The following VWA3A variants were observed in gnomAD, a reference collection of about 807,000 sequenced individuals.
The protein encoded by VWA3A is von Willebrand factor A domain-containing protein 3A.
A neutral mutation model predicts 160.4 loss-of-function variants in VWA3A; 134 were observed. The observed-to-expected ratio is 0.84, with a 90% confidence interval of 0.73 to 0.96. VWA3A has a LOEUF of 0.96. VWA3A is among the 40% of genes least tolerant of loss of function. VWA3A has a pLI of 0.00. For missense variants in VWA3A, 1,310 were observed against 1,447.9 expected (o/e 0.90, Z 1.55); for synonymous variants, 476 against 543.4 (o/e 0.88, Z 1.72).
At chr16:22,141,822 G>GC in intron 24 of VWA3A, 130 bp downstream of exon 24, 1 of 696,854 alleles carries the variant, frequency 1.4e-6, no homozygotes, top group East Asian at 2.8e-5. Flanking sequence ...TCTGGAGCAA[G>GC]CCGTACTCAA....
At chr16:22,115,605 G>A in intron 9 of VWA3A, 133 bp downstream of exon 9, 1 of 1,039,028 alleles carries the variant, frequency 9.6e-7, no homozygotes, top group Non-Finnish European at 1.3e-6. Flanking sequence ...GCCGAGACAG[G>A]AGGATTGCTC....
At chr16:22,103,439 G>T in intron 5 of VWA3A, 36 bp from the exon 6 acceptor site, 1 of 1,547,612 alleles carries the variant, frequency 6.5e-7, no homozygotes, top group Non-Finnish European at 8.7e-7. Flanking sequence ...TGATGACGCT[G>T]GCCTTGGGTG....
intron 19 of VWA3A, among the ~76,000 whole-genome samples, chr16:22,132,201 T>G (rs1439523563): frequency 6.6e-6 from 1 of 151,998 alleles, no homozygotes; most frequent in Non-Finnish European, 1.5e-5. Context: ...TTGACCAACA[T>G]GGAGAAACTC....
chr16:22,109,121 G>A (rs911100917), intron 6 of VWA3A, among the ~76,000 whole-genome samples: 9 of 152,096 alleles, frequency 5.9e-5, no homozygotes, highest in African/African-American at 2.2e-4. Context: ...AGGATATAGA[G>A]AAATTAAATC....
intron 22 of VWA3A, among the ~76,000 whole-genome samples, chr16:22,138,768 C>A (rs2046091127): frequency 6.6e-6 from 1 of 152,004 alleles, no homozygotes; most frequent in Non-Finnish European, 1.5e-5. Flanking sequence ...TTTTCCCTAC[C>A]CTGGTACTGA....
chr16:22,097,212 G>C (rs1459324579), intron 2 of VWA3A, among the ~76,000 whole-genome samples: 9 of 152,000 alleles, frequency 5.9e-5, no homozygotes. Context: ...TGATCCGCCC[G>C]TCTCGGCCTC....
At chr16:22,156,004 G>T in intron 33 of VWA3A, 28 bp from the exon 34 acceptor site, 1 of 1,421,204 alleles carries the variant, frequency 7.0e-7, no homozygotes, top group South Asian at 1.2e-5. Context: ...AATAACTTTG[G>T]TTAAAAAATA....
At chr16:22,116,461 A>G (rs2045650203) in intron 9 of VWA3A, 1 of 483,882 alleles carries the variant, frequency 2.1e-6, no homozygotes, top group South Asian at 1.8e-5. Flanking sequence ...AAGGAAGGAA[A>G]GAAGGAAGAG....
chr16:22,152,449 GAGTCACACGA>G, intron 30 of VWA3A, 52 bp from the exon 31 acceptor site: 1 of 1,595,034 alleles, frequency 6.3e-7, no homozygotes, highest in Non-Finnish European at 8.5e-7. Flanking sequence ...TGGACGTGGG[GAGTCACACGA>G]ACTTGCCTGG....
chr16:22,152,430 A>G, intron 30 of VWA3A, 81 bp from the exon 31 acceptor site: 2 of 1,554,496 alleles, frequency 1.3e-6, no homozygotes, highest in African/African-American at 1.4e-5. Context: ...CACGGACTTA[A>G]GTTCCCCATG....
Position 22,144,383 on chromosome 16 carries a change from A to G in VWA3A, c.2729A>G (p.His910Arg), listed in dbSNP as rs750747642. ...HCSIFPSVEI[H>R]GVVRHIQWTP... Reference sequence around the variant, plus strand: ...AGCATCTTCCCCAGCGTTGAGATCCATGTAAGTCACAATTTTCATCATCGT... The same window carrying G: ...AGCATCTTCCCCAGCGTTGAGATCCGTGTAAGTCACAATTTTCATCATCGT... The change falls in exon 26 of 34, where the codon CAT (histidine) becomes CGT (arginine). Residue 910 changes from histidine to arginine, a missense_variant and splice_region_variant. Physicochemically the swap from His to Arg is conservative, Grantham distance 29 (BLOSUM62 0). Coordinates refer to ENST00000389398, the MANE Select transcript of VWA3A (RefSeq NM_173615.5). 1.9e-5 allele frequency: 31 copies of G among 1,606,438 alleles called. No individual in the cohort carries two copies. In the South Asian group the frequency reaches 2.5e-4, roughly 13 times the overall value.
intron 18 of VWA3A, 67 bp from the exon 19 acceptor site, chr16:22,131,518 T>C: frequency 6.3e-7 from 1 of 1,587,288 alleles, no homozygotes; most frequent in Non-Finnish European, 8.6e-7. Flanking sequence ...GGCTCTCAGC[T>C]ACTCCCAAAA....
At chr16:22,104,068 T>C (rs1358660785) in intron 6 of VWA3A, among the ~76,000 whole-genome samples, 1 of 152,192 alleles carries the variant, frequency 6.6e-6, no homozygotes, top group South Asian at 2.1e-4. Context: ...GCCAGAGCAC[T>C]GTTACCAGAA....
At chr16:22,155,779 C>T (rs1225713387) in intron 32 of VWA3A, 72 bp from the exon 33 acceptor site, 6 of 1,609,336 alleles carry the variant, frequency 3.7e-6, no homozygotes, top group African/African-American at 2.7e-5. Context: ...AGGGTTCCTG[C>T]CCTGCTTCTC....
At chr16:22,148,900 A>G (rs2142020035) in intron 28 of VWA3A, among the ~76,000 whole-genome samples, 1 of 152,282 alleles carries the variant, frequency 6.6e-6, no homozygotes, top group Admixed American at 6.5e-5. Flanking sequence ...TAAATTATTT[A>G]ATGATTTAAT....
intron 12 of VWA3A, among the ~76,000 whole-genome samples, chr16:22,119,368 CT>C (rs2045697357): frequency 6.6e-6 from 1 of 152,240 alleles, no homozygotes. Context: ...CCAGAATAGG[CT>C]GCCTTTAAGA....
At chr16:22,103,236 G>T (rs551662711) in intron 5 of VWA3A, among the ~76,000 whole-genome samples, 3 of 152,030 alleles carry the variant, frequency 2.0e-5, no homozygotes, top group African/African-American at 7.2e-5. Flanking sequence ...GTTTCACTAG[G>T]TTGCTTAAGC....
intron 25 of VWA3A, 98 bp from the exon 26 acceptor site, chr16:22,144,149 A>G: frequency 1.4e-6 from 2 of 1,391,556 alleles, no homozygotes; most frequent in Non-Finnish European, 9.6e-7. Context: ...TTCAAACATC[A>G]TACAGGTTTC....
intron 31 of VWA3A, among the ~76,000 whole-genome samples, chr16:22,154,544 G>T (rs1191179579): frequency 1.3e-5 from 2 of 151,532 alleles, no homozygotes; most frequent in African/African-American, 2.4e-5. Flanking sequence ...GGCCAGGCTG[G>T]TCTCAAACTC....
Sources: gnomAD v4.1 joint callset for allele counts (sites outside exome capture counted in the v4.1 genomes callset) on GRCh38, gnomAD v4.1.1 for gene constraint, MANE v1.5 for transcripts, NCBI Gene and HGNC (gene_info 2026-07-23, HGNC 2026-07-21) for gene names.